Variants in GLI2 observed in about 807,000 individuals in gnomAD.
GLI2 encodes the protein transcription activator GLI2.
In GLI2, 22 loss-of-function variants were observed where a neutral mutation model predicts 78.9. That is an observed-to-expected ratio of 0.28 (90% CI 0.20 to 0.40). The LOEUF is 0.40. Ranked by LOEUF, GLI2 falls within the 10% of genes least tolerant of loss-of-function variation. The probability of loss-of-function intolerance (pLI) is 1.00; values close to 1 mark genes in which losing one functional copy is unlikely to be tolerated. For synonymous variants in GLI2, 974 were observed against 963.7 expected, an observed-to-expected ratio of 1.01 and a Z score of -0.20; for missense variants, 2,097 against 2,213.2, an observed-to-expected ratio of 0.95 and a Z score of 1.05.
chr2:120,920,984 A>G (rs1298729859), intron 2 of GLI2, among the ~76,000 whole-genome samples: 2 of 151,422 alleles, frequency 1.3e-5, no homozygotes, highest in Non-Finnish European at 2.9e-5. Flanking sequence ...GGCAGCGCCT[A>G]TTCTTCCCAC....
At chr2:120,789,236 C>G (rs1238600144) in intron 1 of GLI2, among the ~76,000 whole-genome samples, 1 of 152,008 alleles carries the variant, frequency 6.6e-6, no homozygotes, top group Non-Finnish European at 1.5e-5. Flanking sequence ...GTTGGCCAGG[C>G]TGGTCTCAAG....
Position 120,800,988 on chromosome 2 carries a change from C to T in GLI2, c.148+3520C>T, listed in dbSNP as rs575176849. On this transcript the variant is annotated intron_variant, in intron 2 of 13. Transcript: ENST00000361492. The surrounding 1 kb of genome is among the most constrained non-coding windows in gnomAD (Gnocchi z 4.1). ...GGTATCCAGATGTGGGGGCACCCTG[C>T]ATTCCCCGGCAGCTCATGGCCCCTC... Among the ~76,000 whole-genome samples the T allele has an allele frequency of 1.3e-5, 2 of 152,184 alleles. No individual in the cohort carries two copies. Among genetic ancestry groups the T allele is most frequent in the East Asian group, 3.9e-4 (2 of 5,180 alleles).
intron 2 of GLI2, among the ~76,000 whole-genome samples, chr2:120,833,558 G>A (rs1374065055): frequency 6.6e-6 from 1 of 152,144 alleles, no homozygotes; most frequent in Non-Finnish European, 1.5e-5. Flanking sequence ...TGTCATGAGT[G>A]GAAGCCTCAT....
At chr2:120,930,043 G>A (rs1679875436) in intron 3 of GLI2, among the ~76,000 whole-genome samples, 1 of 152,214 alleles carries the variant, frequency 6.6e-6, no homozygotes. Context: ...CCTGGGCATA[G>A]CAGGCCTGCC....
chr2:120,756,696 A>G (rs1221786461), intron 1 of GLI2, among the ~76,000 whole-genome samples: 1 of 152,156 alleles, frequency 6.6e-6, no homozygotes, highest in Non-Finnish European at 1.5e-5. Flanking sequence ...AGGTGCATAG[A>G]TGTTTAGGAT....
At chr2:120,895,280 C>G (rs1677889539) in intron 2 of GLI2, among the ~76,000 whole-genome samples, 1 of 152,268 alleles carries the variant, frequency 6.6e-6, no homozygotes, top group Middle Eastern at 3.4e-3. Flanking sequence ...AAGTATGGAG[C>G]AGAAAAGTTT....
chr2:120,938,338 T>C (rs756161287), intron 3 of GLI2, among the ~76,000 whole-genome samples: 4 of 152,198 alleles, frequency 2.6e-5, no homozygotes, highest in Admixed American at 6.5e-5. Flanking sequence ...AATCCCCTTA[T>C]CTTTTATGCT....
intron 3 of GLI2, among the ~76,000 whole-genome samples, chr2:120,943,378 A>T (rs1680556774): frequency 6.6e-6 from 1 of 152,226 alleles, no homozygotes; most frequent in Non-Finnish European, 1.5e-5. Context: ...AGAGAGTGGC[A>T]TACAGGACAC....
intron 2 of GLI2, among the ~76,000 whole-genome samples, chr2:120,921,883 G>T (rs1040261206): frequency 1.3e-5 from 2 of 152,156 alleles, no homozygotes; most frequent in Non-Finnish European, 2.9e-5. Flanking sequence ...TAGCCTTCAT[G>T]CTGAAATCAC....
intron 2 of GLI2, among the ~76,000 whole-genome samples, chr2:120,842,114 A>C (rs1158541691): frequency 6.6e-6 from 1 of 150,386 alleles, no homozygotes; most frequent in Non-Finnish European, 1.5e-5. Context: ...GATTGAAACC[A>C]AAAAAAATTC....
chr2:120,754,858 T>C (rs1404279333), intron 1 of GLI2, among the ~76,000 whole-genome samples: 1 of 151,640 alleles, frequency 6.6e-6, no homozygotes, highest in Non-Finnish European at 1.5e-5. Flanking sequence ...TTTTTTCTTT[T>C]TTTTTTTTTT....
At chr2:120,926,673 A>G (rs2104866803) in intron 2 of GLI2, among the ~76,000 whole-genome samples, 1 of 152,356 alleles carries the variant, frequency 6.6e-6, no homozygotes, top group South Asian at 2.1e-4. Context: ...TGATTTGTCG[A>G]GGGCAGGCCA....
rs750756306 is a variant in GLI2 at position 120,990,063 on chromosome 2, C to G, written c.4098C>G (p.His1366Gln). ...TCGAGCCCAGCCCCACTGGCCGCCA[C>G]CGTGGGGTACGTGCTGTGCAGCAGC... The part of the protein sequence containing the change: ...PPLEPSPTGR[H>Q]RGVRAVQQQL... Residue 1366 changes from histidine to glutamine, a missense_variant, in exon 14 of 14, where the codon CAC (histidine) becomes CAG (glutamine). By Grantham distance (24) the His-to-Gln change is conservative. Transcript: ENST00000361492. The G allele has an allele frequency of 6.2e-7, 1 of 1,600,636 alleles. No homozygotes were observed. Among genetic ancestry groups the G allele is most frequent in the Non-Finnish European group, 8.5e-7 (1 of 1,172,730 alleles).
At chr2:120,824,627 A>G (rs1685951253) in intron 2 of GLI2, among the ~76,000 whole-genome samples, 1 of 152,172 alleles carries the variant, frequency 6.6e-6, no homozygotes, top group Non-Finnish European at 1.5e-5. Context: ...GCACCTGTCA[A>G]ACTGACTCTG....
rs533937142 is a variant in GLI2 at position 120,799,564 on chromosome 2, C to T, written c.148+2096C>T. 2.4e-3 allele frequency among the ~76,000 whole-genome samples: 370 copies of T among 152,280 alleles called. 1 individual carries two copies. The highest frequency in any genetic ancestry group is 3.1e-3 in the Non-Finnish European group (209 of 68,026). ...CCTGCGTGGCGCAAAGCAGGGACAT[C>T]GTGGGCCAAGTCTCCTAGTGCTGGT... On this transcript the variant is annotated intron_variant, in intron 2 of 13. Transcript: ENST00000361492.
At chr2:120,934,908 G>T (rs1238195723) in intron 3 of GLI2, among the ~76,000 whole-genome samples, 3 of 152,138 alleles carry the variant, frequency 2.0e-5, no homozygotes, top group African/African-American at 7.2e-5. Context: ...TTCACCATGA[G>T]ATTAATGAAC....
At chr2:120,945,555 A>G (rs1409054339) in intron 3 of GLI2, among the ~76,000 whole-genome samples, 1 of 152,172 alleles carries the variant, frequency 6.6e-6, no homozygotes, top group Non-Finnish European at 1.5e-5. Context: ...TGTGTGGGTC[A>G]AGAAATGTCT....
intron 1 of GLI2, among the ~76,000 whole-genome samples, chr2:120,791,060 A>C (rs1185109165): frequency 6.6e-6 from 1 of 152,184 alleles, no homozygotes; most frequent in Non-Finnish European, 1.5e-5. Context: ...AGGGGAAGTA[A>C]CATGGCCACA....
intron 2 of GLI2, among the ~76,000 whole-genome samples, chr2:120,807,604 G>A (rs1375847855): frequency 6.6e-6 from 1 of 152,208 alleles, no homozygotes; most frequent in Non-Finnish European, 1.5e-5. Flanking sequence ...AACAGCATGG[G>A]CAAAGGTCCT....
Sources: allele counts gnomAD v4.1 joint callset (sites outside exome capture counted in the v4.1 genomes callset), GRCh38; gene constraint gnomAD v4.1.1; non-coding constraint Gnocchi (gnomAD v3.1); transcripts MANE v1.5; gene names NCBI Gene and HGNC (gene_info 2026-07-23, HGNC 2026-07-21).